CFTR: variants seen among roughly 807,000 people sequenced by gnomAD.
The protein encoded by CFTR is CF transmembrane conductance regulator, also known as cystic fibrosis transmembrane conductance regulator.
Under a neutral mutation model 171.6 loss-of-function variants are expected in CFTR, and 181 were observed. The ratio of observed to expected loss-of-function variants is 1.05; its 90% CI spans 0.93 to 1.19. The LOEUF is 1.19. CFTR is among the 50% of genes most tolerant of loss of function. CFTR has a pLI of 0.00. For missense variants in CFTR, 1,968 were observed against 1,734.7 expected (o/e 1.13, Z -2.39); for synonymous variants, 583 against 608.0 (o/e 0.96, Z 0.60).
rs893977457 is a variant in CFTR, at chr7:117,509,046, A to T, written c.177A>T (p.Arg59Ser). The T allele has an allele frequency of 6.2e-7, 1 of 1,607,978 alleles. No individual in the cohort carries two copies. The highest frequency in any genetic ancestry group is 1.7e-5 in the Admixed American group (1 of 60,018). ...TATTCTTTTGCAGAGAATGGGATAG[A>T]GAGCTGGCTTCAAAGAAAAATCCTA... ...LSEKLEREWD[R>S]ELASKKNPKL... is the part of the protein sequence containing the mutation. Residue 59 changes from arginine (R) to serine (S), a missense_variant, in exon 3 of 27, where the codon AGA (arginine) becomes AGT (serine). Coordinates refer to ENST00000003084, the MANE Select transcript of CFTR (RefSeq NM_000492.4).
intron 6 of CFTR, among the ~76,000 whole-genome samples, chr7:117,535,955 A>C (rs1376826666): frequency 3.3e-5 from 5 of 152,204 alleles, no homozygotes; most frequent in African/African-American, 9.6e-5. Flanking sequence ...GTAGATTATA[A>C]AACAGGTAAA....
Position 117,595,075 on chromosome 7 carries a change from G to T in CFTR, c.2619+17G>T, listed in dbSNP as rs1439697748. The T allele has an allele frequency of 1.9e-6, 3 of 1,604,434 alleles. No homozygotes were observed. The highest frequency in any genetic ancestry group is 1.3e-5 in the African/African-American group (1 of 74,650). On this transcript the variant is annotated intron_variant, in intron 15 of 26. Transcript: ENST00000003084. ...CTGGCAGAGGTAAGAATGTTCTATT[G>T]TAAAGTATTACTGGATTTAAAGTTA...
chr7:117,658,589 G>A (rs898748775), intron 24 of CFTR, among the ~76,000 whole-genome samples: 2 of 152,104 alleles, frequency 1.3e-5, no homozygotes, highest in African/African-American at 4.8e-5. Context: ...GTCAATAAGT[G>A]AGTTCCTTCC....
intron 17 of CFTR, among the ~76,000 whole-genome samples, chr7:117,605,362 TA>T (rs1792285428): frequency 6.6e-6 from 1 of 152,188 alleles, no homozygotes; most frequent in Admixed American, 6.5e-5. Flanking sequence ...AAGAATGTAT[TA>T]ATAAATATGT....
chr7:117,617,977 G>C (rs1792519113), intron 21 of CFTR, among the ~76,000 whole-genome samples: 1 of 151,940 alleles, frequency 6.6e-6, no homozygotes, highest in African/African-American at 2.4e-5. Flanking sequence ...CATCTTGCCA[G>C]AGCCAATTTC....
chr7:117,622,889 A>G (rs1197685322), intron 21 of CFTR, among the ~76,000 whole-genome samples: 1 of 152,184 alleles, frequency 6.6e-6, no homozygotes, highest in Non-Finnish European at 1.5e-5. Flanking sequence ...AGTAAGGCTG[A>G]GATCAGGCTG....
intron 18 of CFTR, among the ~76,000 whole-genome samples, chr7:117,609,219 T>G (rs1792346001): frequency 6.6e-6 from 1 of 152,210 alleles, no homozygotes; most frequent in South Asian, 2.1e-4. Flanking sequence ...CACTGTATAG[T>G]GAAAATTGAA....
intron 23 of CFTR, among the ~76,000 whole-genome samples, chr7:117,651,669 T>G (rs755442998): frequency 2.6e-5 from 4 of 152,074 alleles, no homozygotes; most frequent in Non-Finnish European, 4.4e-5. Context: ...AGCTGACCTC[T>G]CTAGAGAGTT....
intron 10 of CFTR, among the ~76,000 whole-genome samples, chr7:117,556,921 T>C (rs1209741230): frequency 1.3e-5 from 2 of 152,202 alleles, no homozygotes; most frequent in Non-Finnish European, 2.9e-5. Flanking sequence ...AATTAGCTTT[T>C]AGATTTACTT....
In CFTR at chr7:117,612,110, G is replaced by T. The variant is rs949182476; in HGVS notation, c.3367+302G>T. ...ACAGTTTTAAAAACCGATGCACACAGATTGTCAGATAGCAATTCTGTGATT... is the reference window on the plus strand; with the variant it reads ...ACAGTTTTAAAAACCGATGCACACATATTGTCAGATAGCAATTCTGTGATT... On this transcript the variant is annotated intron_variant, in intron 20 of 26. Transcript: ENST00000003084. 1.5e-3 allele frequency among the ~76,000 whole-genome samples: 183 copies of T among 123,128 alleles called. 2 individuals carry two copies. The highest frequency in any genetic ancestry group is 5.4e-3 in the African/African-American group (176 of 32,294). The allele number at this position is 123,128 out of a possible 152,430, so 80.8% of individuals were successfully genotyped here.
chr7:117,488,543 G>A (rs1798108794), intron 1 of CFTR, among the ~76,000 whole-genome samples: 1 of 152,004 alleles, frequency 6.6e-6, no homozygotes, highest in South Asian at 2.1e-4. Flanking sequence ...ATCTTTTAAT[G>A]TGTCCTTCAA....
At chr7:117,654,544 A>G (rs1396782031) in intron 24 of CFTR, among the ~76,000 whole-genome samples, 3 of 152,018 alleles carry the variant, frequency 2.0e-5, no homozygotes, top group African/African-American at 7.2e-5. Flanking sequence ...GATCATGGGC[A>G]TGGTTTTCCC....
At chr7:117,524,716 G>A (rs34420782) in intron 3 of CFTR, among the ~76,000 whole-genome samples, 11,307 of 152,238 alleles carry the variant, frequency 0.074, 428 homozygotes, top group Middle Eastern at 0.11. Flanking sequence ...TTCACTGATT[G>A]CAGTAGCTTA....
At chr7:117,610,273 TATACCTA>T (rs1792361868) in intron 18 of CFTR, among the ~76,000 whole-genome samples, 1 of 144,620 alleles carries the variant, frequency 6.9e-6, no homozygotes, top group African/African-American at 2.6e-5. Flanking sequence ...CACTGGGAGA[TATACCTA>T]ATGCTAGATG....
In CFTR at chr7:117,575,746, G is replaced by A. The variant is rs189238645; in HGVS notation, c.1585-11993G>A. ...ATTGAATTTACATTGAGGTCTCATA[G>A]CCTTCTCTGCCTCTCTCCTTATTTC... On this transcript the variant is annotated intron_variant, in intron 11 of 26. Transcript: ENST00000003084. 2.2e-4 allele frequency among the ~76,000 whole-genome samples: 33 copies of A among 152,138 alleles called. 1 individual carries two copies. In the East Asian group the frequency reaches 6.0e-3, roughly 28 times the overall value.
chr7:117,651,021 C>T (rs767287163), intron 23 of CFTR, among the ~76,000 whole-genome samples: 3 of 152,142 alleles, frequency 2.0e-5, no homozygotes, highest in Non-Finnish European at 4.4e-5. Context: ...TTACCTTCTC[C>T]AACCTGCTGT....
chr7:117,513,018 T>C (rs1485790641), intron 3 of CFTR, among the ~76,000 whole-genome samples: 1 of 152,144 alleles, frequency 6.6e-6, no homozygotes, highest in Non-Finnish European at 1.5e-5. Flanking sequence ...TATGTTTGGA[T>C]GAAAACATTG....
At chr7:117,525,252 T>A (rs1410002732) in intron 3 of CFTR, among the ~76,000 whole-genome samples, 1 of 152,102 alleles carries the variant, frequency 6.6e-6, no homozygotes, top group Non-Finnish European at 1.5e-5. Context: ...AGAGATAGTT[T>A]GTTATAATTT....
chr7:117,531,022 G>C lies in CFTR; in HGVS notation c.397G>C (p.Val133Leu). 2 of 1,613,776 alleles carry C rather than the reference G, an allele frequency of 1.2e-6. No homozygotes were observed. The highest frequency in any genetic ancestry group is 1.7e-6 in the Non-Finnish European group (2 of 1,179,854). Residue 133 changes from valine to leucine, a missense_variant, in exon 4 of 27, where the codon GTG (valine) becomes CTG (leucine). By Grantham distance (32) the Val-to-Leu change is conservative (BLOSUM62 1). Transcript: ENST00000003084. Reference sequence around the variant, plus strand: ...CATAGGCTTATGCCTTCTCTTTATTGTGAGGACACTGCTCCTACACCCAGC... The same window carrying C: ...CATAGGCTTATGCCTTCTCTTTATTCTGAGGACACTGCTCCTACACCCAGC... ...LGIGLCLLFIVRTLLLHPAIF... is the reference protein window; with the variant it reads ...LGIGLCLLFILRTLLLHPAIF...
Sources: gnomAD v4.1 joint callset for allele counts (sites outside exome capture counted in the v4.1 genomes callset) on GRCh38, gnomAD v4.1.1 for gene constraint, MANE v1.5 for transcripts, NCBI Gene and HGNC (gene_info 2026-07-23, HGNC 2026-07-21) for gene names.